Variants in MDGA2 observed in about 807,000 individuals in gnomAD.
The protein encoded by MDGA2 is MAM domain-containing glycosylphosphatidylinositol anchor protein 2.
A neutral mutation model predicts 117.8 loss-of-function variants in MDGA2; 40 were observed. That is an observed-to-expected ratio of 0.34 (90% confidence interval 0.26 to 0.44). The LOEUF (loss-of-function observed/expected upper bound fraction) is 0.44, where lower values mean the gene tolerates loss of function less well. MDGA2 is among the 20% of genes least tolerant of loss of function. The pLI, the probability that MDGA2 is intolerant of heterozygous loss-of-function variation, is 1.00. For synonymous variants in MDGA2, 452 were observed against 439.0 expected, an observed-to-expected ratio of 1.03 and a Z score of -0.37; for missense variants, 1,123 against 1,250.6, an observed-to-expected ratio of 0.90 and a Z score of 1.54.
chr14:47,665,832 C>CCGCCCCCG (rs1897943923), intron 1 of MDGA2, among the ~76,000 whole-genome samples: 1 of 82,170 alleles, frequency 1.2e-5, no homozygotes, highest in South Asian at 4.0e-4. Flanking sequence ...GCCCCCGCCC[C>CCGCCCCCG]ACCCCGCCCC....
intron 14 of MDGA2, among the ~76,000 whole-genome samples, chr14:46,865,051 T>A (rs1315123542): frequency 6.6e-6 from 1 of 152,130 alleles, no homozygotes; most frequent in African/African-American, 2.4e-5. Context: ...GCTGATTTCC[T>A]ATTTGAGAAT....
chr14:47,566,686 T>C (rs1167682450), intron 1 of MDGA2, among the ~76,000 whole-genome samples: 1 of 152,016 alleles, frequency 6.6e-6, no homozygotes, highest in African/African-American at 2.4e-5. Context: ...AACACACTCA[T>C]TCCCCAGGAG....
Position 46,858,417 on chromosome 14 carries a change from T to C in MDGA2, c.2753-3263A>G, listed in dbSNP as rs1003624145. Among the ~76,000 whole-genome samples the C allele has an allele frequency of 8.5e-5, 12 of 140,830 alleles. No individual in the cohort carries two copies. In the South Asian group the frequency reaches 2.8e-3, roughly 32 times the overall value. The allele number at this position is 140,830 out of a possible 152,430, so 92.4% of individuals were successfully genotyped here. A position where few individuals can be genotyped will look rare whatever the true frequency, so the allele number is the denominator to read the frequency against. ...ATACTTTTTTTCTTTTCTTTTTCTT[T>C]TTCTTTTTTTCTTTTTTTTTTTTTT... On this transcript the variant is annotated intron_variant, in intron 14 of 16. Coordinates refer to ENST00000399232, the MANE Select transcript of MDGA2 (RefSeq NM_001113498.3).
chr14:47,650,142 T>C (rs998204466), intron 1 of MDGA2, among the ~76,000 whole-genome samples: 1 of 152,150 alleles, frequency 6.6e-6, no homozygotes, highest in African/African-American at 2.4e-5. Context: ...GAATTCCTCC[T>C]GCCTGACTGC....
chr14:47,544,095 G>A (rs1023671957), intron 1 of MDGA2, among the ~76,000 whole-genome samples: 5 of 152,112 alleles, frequency 3.3e-5, no homozygotes, highest in African/African-American at 1.2e-4. Flanking sequence ...AAGAATTAAA[G>A]ATAATGTCCA....
chr14:46,922,833 C>T lies in MDGA2; in HGVS notation c.2090-2673G>A, dbSNP rs561318954. On this transcript the variant is annotated intron_variant, in intron 9 of 16. Transcript: ENST00000399232. ...GGCAGCAGCATGCCTGATCCAACAG[C>T]CAGGATCTCTCTGGGGCAAGACTGA... Among the ~76,000 whole-genome samples, 15 of 152,296 alleles carry T rather than the reference C, an allele frequency of 9.8e-5. 1 individual carries two copies. The highest frequency in any genetic ancestry group is 2.2e-4 in the Non-Finnish European group (15 of 68,036).
intron 8 of MDGA2, among the ~76,000 whole-genome samples, chr14:46,981,408 A>G (rs1453653539): frequency 6.7e-6 from 1 of 150,012 alleles, no homozygotes; most frequent in African/African-American, 2.5e-5. Flanking sequence ...CATCTCCAAG[A>G]AAAAAAAAAG....
rs145720435 is a variant in MDGA2 at position 47,285,689 on chromosome 14, C to G, written c.420+15722G>C. On this transcript the variant is annotated intron_variant, in intron 2 of 16. Transcript: ENST00000399232. ...AGACAAATTAAGTCTTCTAAGCCATCAAGGGAGCATTTAATACATTCCTAC... is the reference window on the plus strand; with the variant it reads ...AGACAAATTAAGTCTTCTAAGCCATGAAGGGAGCATTTAATACATTCCTAC... Among the ~76,000 whole-genome samples, 14 of 152,202 alleles carry G rather than the reference C, an allele frequency of 9.2e-5. No individual in the cohort carries two copies. In the East Asian group the frequency reaches 2.1e-3, roughly 23 times the overall value.
chr14:47,589,567 G>A (rs1896397045), intron 1 of MDGA2, among the ~76,000 whole-genome samples: 1 of 151,942 alleles, frequency 6.6e-6, no homozygotes, highest in African/African-American at 2.4e-5. Flanking sequence ...GATTACTGCA[G>A]TTTTGTAGTA....
intron 1 of MDGA2, among the ~76,000 whole-genome samples, chr14:47,334,098 T>C (rs1013339359): frequency 2.6e-5 from 4 of 151,834 alleles, no homozygotes; most frequent in African/African-American, 9.7e-5. Context: ...TATAGAATAT[T>C]TGAAATCTTC....
intron 8 of MDGA2, among the ~76,000 whole-genome samples, chr14:46,989,062 T>A (rs74044937): frequency 0.064 from 9,675 of 152,186 alleles, 1,020 homozygotes; most frequent in African/African-American, 0.22. Flanking sequence ...CAGATTTTAG[T>A]ACTTTACATG....
At chr14:47,146,758 A>T (rs1882960518) in intron 3 of MDGA2, among the ~76,000 whole-genome samples, 1 of 152,194 alleles carries the variant, frequency 6.6e-6, no homozygotes. Flanking sequence ...ATTTGATGGT[A>T]AACAGTGTAA....
At chr14:47,288,283 A>G (rs773673026) in intron 2 of MDGA2, among the ~76,000 whole-genome samples, 3 of 152,286 alleles carry the variant, frequency 2.0e-5, no homozygotes, top group Admixed American at 1.3e-4. Context: ...GTGCTATTTC[A>G]GAAAATTCTT....
chr14:47,658,842 T>C (rs1364894278), intron 1 of MDGA2, among the ~76,000 whole-genome samples: 3 of 152,190 alleles, frequency 2.0e-5, no homozygotes, highest in Non-Finnish European at 4.4e-5. Context: ...GAATTCTTTC[T>C]CTATTTGGAA....
chr14:47,470,401 T>C (rs754071214), intron 1 of MDGA2, among the ~76,000 whole-genome samples: 4 of 152,082 alleles, frequency 2.6e-5, no homozygotes, highest in Non-Finnish European at 4.4e-5. Context: ...TTGCTGAGAA[T>C]GATGGTTGCT....
chr14:47,074,240 T>G (rs879763957), intron 6 of MDGA2, among the ~76,000 whole-genome samples: 1 of 152,170 alleles, frequency 6.6e-6, no homozygotes, highest in Admixed American at 6.5e-5. Context: ...ACTCTCAAGA[T>G]AGTAATATAT....
chr14:47,592,578 A>C (rs978889446), intron 1 of MDGA2, among the ~76,000 whole-genome samples: 10 of 152,070 alleles, frequency 6.6e-5, no homozygotes, highest in African/African-American at 2.4e-4. Flanking sequence ...CAGAAGTAAG[A>C]CTATACATCT....
intron 1 of MDGA2, among the ~76,000 whole-genome samples, chr14:47,628,356 C>T (rs543506333): frequency 3.9e-5 from 6 of 152,318 alleles, no homozygotes; most frequent in South Asian, 2.1e-4. Flanking sequence ...TCCATGAGGT[C>T]TGAGAACACG....
intron 10 of MDGA2, among the ~76,000 whole-genome samples, chr14:46,896,089 G>T (rs1466205693): frequency 6.6e-6 from 1 of 152,034 alleles, no homozygotes; most frequent in African/African-American, 2.4e-5. Flanking sequence ...TGTCACCATG[G>T]ATATTTTCTA....
Sources: gnomAD v4.1 joint callset for allele counts (sites outside exome capture counted in the v4.1 genomes callset) on GRCh38, gnomAD v4.1.1 for gene constraint, MANE v1.5 for transcripts, NCBI Gene and HGNC (gene_info 2026-07-23, HGNC 2026-07-21) for gene names.